The following HNRNPDL variants were observed in gnomAD, a reference collection of about 807,000 sequenced individuals.
HNRNPDL encodes the protein heterogeneous nuclear ribonucleoprotein D-like.
HNRNPDL carries 18 observed loss-of-function variants against 48.0 expected under a neutral mutation model. That is an observed-to-expected ratio of 0.38 (90% CI 0.26 to 0.56). The LOEUF is 0.56. HNRNPDL is among the 20% of genes least tolerant of loss of function. The pLI is 0.77. For synonymous variants in HNRNPDL, 306 were observed against 207.3 expected, an observed-to-expected ratio of 1.48 and a Z score of -4.09; for missense variants, 553 against 540.7, an observed-to-expected ratio of 1.02 and a Z score of -0.23.
rs1457721486 is a variant in HNRNPDL at position 82,423,944 on chromosome 4, C to T, written c.*962G>A. 9.9e-5 allele frequency: 15 copies of T among 152,252 alleles called. No individual in the cohort carries two copies. Among genetic ancestry groups the T allele is most frequent in the Admixed American group, 9.8e-4 (15 of 15,284 alleles). 9.4% of individuals were successfully genotyped at this position (152,252 alleles called of 1,614,324 possible). On this transcript the variant is annotated 3_prime_UTR_variant, in exon 8 of 8. Transcript: ENST00000295470. ...TTTTTCTAAACTCACAGAGCATTAA[C>T]AGCTAATACAACTTCCTCAGGATGC...
chr4:82,426,086 A>T lies in HNRNPDL; in HGVS notation c.1236T>A (p.Asn412Lys). 5 of 1,613,796 alleles carry T rather than the reference A, an allele frequency of 3.1e-6. No individual in the cohort carries two copies. The highest frequency in any genetic ancestry group is 3.4e-6 in the Non-Finnish European group (4 of 1,179,880). Residue 412 changes from asparagine (N) to lysine (K), a missense_variant, in exon 7 of 8, where the codon AAT (asparagine) becomes AAA (lysine). Around this residue, in one of 4 missense-constraint regions of HNRNPDL, gnomAD observed 9 missense variants for 28.9 expected, o/e 0.31. Coordinates refer to ENST00000295470, the MANE Select transcript of HNRNPDL (RefSeq NM_031372.4). ...TYGKASRGGG[N>K]HQNNYQPY ...AGTATGGCTGGTAATTGTTTTGGTG[A>T]TTGCCACCCCCTCGAGATGCCTTGC...
Position 82,424,381 on chromosome 4 carries a change from A to T in HNRNPDL, c.*525T>A, listed in dbSNP as rs1385708361. Reference sequence around the variant, plus strand: ...CTTCCTTTCAGGACAGTCTTCAGATAACCAGAAGGGAAAGAACATTGTTCA... The same window carrying T: ...CTTCCTTTCAGGACAGTCTTCAGATTACCAGAAGGGAAAGAACATTGTTCA... On this transcript the variant is annotated 3_prime_UTR_variant, in exon 8 of 8. Coordinates refer to ENST00000295470, the MANE Select transcript of HNRNPDL (RefSeq NM_031372.4). The T allele has an allele frequency of 1.3e-5, 2 of 152,688 alleles. No homozygotes were observed. Among genetic ancestry groups the T allele is most frequent in the Non-Finnish European group, 2.9e-5 (2 of 68,048 alleles). 9.5% of individuals were successfully genotyped at this position (152,688 alleles called of 1,614,324 possible).
intron 7 of HNRNPDL, chr4:82,425,460 AAGTTT>A (rs1380273892): frequency 6.5e-6 from 1 of 152,726 alleles, no homozygotes; most frequent in Non-Finnish European, 1.5e-5. Flanking sequence ...CATTTAAGTT[AAGTTT>A]AGACACTTAA....
intron 1 of HNRNPDL, 85 bp from the exon 2 acceptor site, chr4:82,428,531 G>C (rs747535484): frequency 9.2e-7 from 1 of 1,092,774 alleles, no homozygotes; most frequent in Non-Finnish European, 1.3e-6. Context: ...AATAAAAACA[G>C]GGACATTTAC....
chr4:82,426,441 A>C, intron 6 of HNRNPDL, 22 bp downstream of exon 6: 4 of 1,590,872 alleles, frequency 2.5e-6, no homozygotes, highest in Non-Finnish European at 2.6e-6. Context: ...CTGCTTTATA[A>C]AATTAAGTTA....
chr4:82,428,487 C>CA (rs1485255387), intron 1 of HNRNPDL, 41 bp from the exon 2 acceptor site: 3 of 1,455,310 alleles, frequency 2.1e-6, no homozygotes, highest in African/African-American at 2.8e-5. Context: ...AACAATAACT[C>CA]AAATGATCCT....
At chr4:82,426,271 A>T (rs1473521790) in intron 6 of HNRNPDL, 142 bp from the exon 7 acceptor site, 16 of 869,538 alleles carry the variant, frequency 1.8e-5, no homozygotes, top group Non-Finnish European at 2.8e-5. Flanking sequence ...GCTACTCATA[A>T]ATCATACATC....
intron 5 of HNRNPDL, 41 bp from the exon 6 acceptor site, chr4:82,426,674 C>A: frequency 6.5e-7 from 1 of 1,547,586 alleles, no homozygotes; most frequent in Non-Finnish European, 8.9e-7. Context: ...CAACTTCTGA[C>A]CCCCAATTCT....
Position 82,426,751 on chromosome 4 carries a change from T to C in HNRNPDL, c.1022-118A>G, listed in dbSNP as rs1578083582. 3 of 794,272 alleles carry C rather than the reference T, an allele frequency of 3.8e-6. No homozygotes were observed. In the East Asian group the frequency reaches 7.5e-5, roughly 20 times the overall value. The allele number at this position is 794,272 out of a possible 1,614,324, so 49.2% of individuals were successfully genotyped here. ...TAAAGGGCAGAATGGACATATATAT[T>C]GCTATCTGCTTGAAAAACTATTTTT... is the stretch of plus-strand genomic sequence containing the variant. On this transcript the variant is annotated intron_variant, in intron 5 of 7. Transcript: ENST00000295470.
chr4:82,427,226 C>G lies in HNRNPDL; in HGVS notation c.985G>C (p.Ala329Pro), dbSNP rs758601965. 1 of 1,613,950 alleles carries G rather than the reference C, an allele frequency of 6.2e-7. No individual in the cohort carries two copies. Among genetic ancestry groups the G allele is most frequent in the African/African-American group, 1.3e-5 (1 of 75,054 alleles). The change falls in exon 5 of 8, where the codon GCT becomes CCT. Residue 329 changes from alanine (A) to proline (P), a missense_variant. Ala to Pro is a conservative substitution (Grantham distance 27, BLOSUM62 -1). This residue lies in a region of HNRNPDL where 174 missense variants were observed against 204.6 expected (regional missense o/e 0.85). Transcript: ENST00000295470. ...QQQKGGRGAA[A>P]GGRGGTRGRG... ...CCCCTCGTACCACCTCGTCCACCAG[C>G]TGCAGCACCTCTTCCACCTTTTTGT...
At position 82,426,501 on chromosome 4, in the gene HNRNPDL, C is replaced by T. The variant is rs752333956; in HGVS notation, c.1154G>A (p.Gly385Glu). The change falls in exon 6 of 8, where the codon GGG becomes GAG. Residue 385 changes from glycine to glutamate, a missense_variant. Coordinates refer to ENST00000295470, the MANE Select transcript of HNRNPDL (RefSeq NM_031372.4). ...ATATCCCTGTCCATATCCATAGTTC[C>T]CATAGTTATACCCAGTATAATCATA... is the stretch of plus-strand genomic sequence containing the variant. ...GGYDYTGYNYGNYGYGQGYAD... is the reference protein window; with the variant it reads ...GGYDYTGYNYENYGYGQGYAD... 1.2e-6 allele frequency: 2 copies of T among 1,612,790 alleles called. No homozygotes were observed. The highest frequency in any genetic ancestry group is 1.7e-6 in the Non-Finnish European group (2 of 1,179,002).
rs1721419961 is a variant in HNRNPDL, at chr4:82,426,581, A to G, written c.1074T>C (p.Tyr358=). 6.2e-7 allele frequency: 1 copy of G among 1,613,682 alleles called. No homozygotes were observed. Among genetic ancestry groups the G allele is most frequent in the South Asian group, 1.1e-5 (1 of 91,082 alleles). Residue 358 remains tyrosine, a synonymous_variant, in exon 6 of 8, where the codon TAT becomes TAC. Coordinates refer to ENST00000295470, the MANE Select transcript of HNRNPDL (RefSeq NM_031372.4). ...CACCATAGGCACTATTGTAATTTCC[A>G]TATCCTTGATCATAATAGTTATTAA... ...QGFNNYYDQG[Y]GNYNSAYGGD... is the part of the protein sequence containing the mutation.
chr4:82,427,983 C>A, intron 3 of HNRNPDL, 35 bp downstream of exon 3: 1 of 1,594,296 alleles, frequency 6.3e-7, no homozygotes, highest in Non-Finnish European at 8.6e-7. Context: ...TTTATAAACA[C>A]ATCAAGCTTA....
rs761856605 is a variant in HNRNPDL, at chr4:82,429,433, G to A, written c.258C>T (p.Phe86=). The A allele has an allele frequency of 8.7e-6, 14 of 1,611,838 alleles. No individual in the cohort carries two copies. The highest frequency in any genetic ancestry group is 5.0e-5 in the Admixed American group (3 of 59,868). ...KGGRRRRPDL[F]RRHFKSSSIQ... ...TGGAGCTGGATTTAAAATGGCGGCG[G>A]AAGAGATCCGGGCGCCGCCTGCGCC... Residue 86 remains phenylalanine, a synonymous_variant, in exon 1 of 8, where the codon TTC becomes TTT. Transcript: ENST00000295470.
Position 82,424,782 on chromosome 4 carries a change from G to A in HNRNPDL, c.*124C>T, listed in dbSNP as rs1180953827. The A allele has an allele frequency of 1.2e-4, 18 of 152,308 alleles. No homozygotes were observed. The highest frequency in any genetic ancestry group is 2.4e-4 in the Non-Finnish European group (16 of 68,032). The allele number at this position is 152,308 out of a possible 1,614,324, so 9.4% of individuals were successfully genotyped here. On this transcript the variant is annotated 3_prime_UTR_variant, in exon 8 of 8. Transcript: ENST00000295470. ...GCTATATACAGTTGGACACAATGGT[G>A]TCTTGTACACTAGAAAGTCTTTTAC...
At position 82,422,987 on chromosome 4, in the gene HNRNPDL, C is replaced by T. The variant is rs2110024352; in HGVS notation, c.*1919G>A. 1 of 151,994 alleles carries T rather than the reference C, an allele frequency of 6.6e-6. No individual in the cohort carries two copies. Among genetic ancestry groups the T allele is most frequent in the East Asian group, 1.9e-4 (1 of 5,160 alleles). 9.4% of individuals were successfully genotyped at this position (151,994 alleles called of 1,614,324 possible). ...AGTTCATCCAACCTAGGACACTTAG[C>T]CTTAGAGTATCTGTTCAAATTTGCA... On this transcript the variant is annotated 3_prime_UTR_variant, in exon 8 of 8. Transcript: ENST00000295470.
rs1052527130 is a variant in HNRNPDL at position 82,429,400 on chromosome 4, G to A, written c.291C>T (p.Arg97=). ...RRHFKSSSIQ[R]SAAAAAATRT... ...GGGTCGCGGCAGCAGCGGCGGCGGA[G>A]CGTTGTATGGAGCTGGATTTAAAAT... Residue 97 remains arginine, a synonymous_variant, in exon 1 of 8, where the codon CGC becomes CGT. Transcript: ENST00000295470. 1.2e-6 allele frequency: 2 copies of A among 1,613,424 alleles called. No homozygotes were observed. Among genetic ancestry groups the A allele is most frequent in the Non-Finnish European group, 1.7e-6 (2 of 1,179,810 alleles).
chr4:82,426,280 T>C, intron 6 of HNRNPDL, 151 bp from the exon 7 acceptor site: 2 of 857,910 alleles, frequency 2.3e-6, no homozygotes, highest in Non-Finnish European at 3.7e-6. Flanking sequence ...AAATCATACA[T>C]CCTAGTTCAT....
rs1416222519 is a variant in HNRNPDL at position 82,426,054 on chromosome 4, C to T, written c.*5G>A. On this transcript the variant is annotated 3_prime_UTR_variant, in exon 7 of 8. Transcript: ENST00000295470. ...ATACACACCTGTTTTCTCCAATGTTCTCCTTTAGTATGGCTGGTAATTGTT... is the reference window on the plus strand; with the variant it reads ...ATACACACCTGTTTTCTCCAATGTTTTCCTTTAGTATGGCTGGTAATTGTT... The T allele has an allele frequency of 1.7e-5, 27 of 1,606,526 alleles. No individual in the cohort carries two copies. Among genetic ancestry groups the T allele is most frequent in the Non-Finnish European group, 2.3e-5 (27 of 1,173,578 alleles).
Sources: allele counts gnomAD v4.1 joint callset, GRCh38; gene constraint gnomAD v4.1.1; regional missense constraint gnomAD v4.1.1; transcripts MANE v1.5; gene names NCBI Gene and HGNC (gene_info 2026-07-23, HGNC 2026-07-21).